CADM2: variants seen among roughly 807,000 people sequenced by gnomAD.
CADM2 encodes cell adhesion molecule 2, also known as immunoglobulin superfamily member 4D.
In CADM2, 12 loss-of-function variants were observed where a neutral mutation model predicts 49.8. The observed-to-expected ratio is 0.24, with a 90% CI of 0.15 to 0.39. The LOEUF (loss-of-function observed/expected upper bound fraction) is 0.39. Among genes scored for constraint, CADM2 ranks in the 10% least tolerant of loss-of-function variants. The probability of loss-of-function intolerance (pLI) is 1.00; values close to 1 mark genes in which losing one functional copy is unlikely to be tolerated. For synonymous variants in CADM2, 214 were observed against 175.4 expected, an observed-to-expected ratio of 1.22 and a Z score of -1.74; for missense variants, 378 against 492.3, an observed-to-expected ratio of 0.77 and a Z score of 2.20.
intron 1 of CADM2, among the ~76,000 whole-genome samples, chr3:85,442,600 A>G (rs1488052253): frequency 4.8e-5 from 1 of 20,902 alleles, no homozygotes; most frequent in African/African-American, 5.6e-5. Context: ...ATATATATAT[A>G]TATATATATA....
At chr3:85,903,404 TTTTG>T (rs1278209067) in intron 5 of CADM2, among the ~76,000 whole-genome samples, 9 of 152,100 alleles carry the variant, frequency 5.9e-5, no homozygotes, top group African/African-American at 2.2e-4. Flanking sequence ...CTCTCTTAGA[TTTTG>T]TTTACCTGAA....
At chr3:85,888,632 A>G (rs1714005993) in intron 5 of CADM2, among the ~76,000 whole-genome samples, 1 of 152,144 alleles carries the variant, frequency 6.6e-6, no homozygotes, top group African/African-American at 2.4e-5. Flanking sequence ...CTATCTATCT[A>G]ATCTTACAAT....
intron 3 of CADM2, among the ~76,000 whole-genome samples, chr3:85,867,491 T>C (rs1235392560): frequency 6.6e-6 from 1 of 152,070 alleles, no homozygotes; most frequent in African/African-American, 2.4e-5. Context: ...ACATTTATGC[T>C]GTTGCCAGTC....
chr3:86,005,339 T>A (rs1577923494), intron 8 of CADM2, among the ~76,000 whole-genome samples: 1 of 152,096 alleles, frequency 6.6e-6, no homozygotes, highest in Non-Finnish European at 1.5e-5. Flanking sequence ...ATCACTAAGG[T>A]TAGGAGTTTG....
intron 2 of CADM2, among the ~76,000 whole-genome samples, chr3:85,780,684 C>G (rs72908506): frequency 0.04 from 6,112 of 152,076 alleles, 389 homozygotes; most frequent in African/African-American, 0.14. Flanking sequence ...TTTTATAAAC[C>G]TTATTTTCCT....
At chr3:85,138,937 A>T (rs542293868) in intron 1 of CADM2, among the ~76,000 whole-genome samples, 1 of 152,200 alleles carries the variant, frequency 6.6e-6, no homozygotes, top group African/African-American at 2.4e-5. Context: ...GCATTTAGGA[A>T]GATAAAGGGG....
intron 2 of CADM2, among the ~76,000 whole-genome samples, chr3:85,758,945 C>T: frequency 6.6e-6 from 1 of 151,864 alleles, no homozygotes; most frequent in East Asian, 1.9e-4. Context: ...GGTGGGGACA[C>T]AGAACTTAAA....
intron 1 of CADM2, among the ~76,000 whole-genome samples, chr3:85,452,816 A>G (rs1163802809): frequency 6.6e-6 from 1 of 152,210 alleles, no homozygotes; most frequent in African/African-American, 2.4e-5. Flanking sequence ...AGTGTAATAA[A>G]GTGTTTGCCA....
intron 2 of CADM2, among the ~76,000 whole-genome samples, chr3:85,760,448 A>C (rs2069320292): frequency 6.6e-6 from 1 of 152,118 alleles, no homozygotes; most frequent in African/African-American, 2.4e-5. Context: ...ACTTACATGT[A>C]AAGGAAAAAA....
chr3:85,463,940 T>C (rs759035810), intron 1 of CADM2, among the ~76,000 whole-genome samples: 3 of 152,160 alleles, frequency 2.0e-5, no homozygotes, highest in Non-Finnish European at 4.4e-5. Flanking sequence ...GTTATTGGGG[T>C]ATGATATTCG....
At chr3:85,011,247 C>G (rs1049633679) in intron 1 of CADM2, among the ~76,000 whole-genome samples, 1 of 152,048 alleles carries the variant, frequency 6.6e-6, no homozygotes, top group African/African-American at 2.4e-5. Flanking sequence ...ATTTGTCGAT[C>G]ATTATGATCT....
At chr3:85,506,588 G>A (rs1368187960) in intron 1 of CADM2, among the ~76,000 whole-genome samples, 1 of 151,282 alleles carries the variant, frequency 6.6e-6, no homozygotes, top group Non-Finnish European at 1.5e-5. Context: ...TTTAAGAGCC[G>A]GGATATCACT....
intron 1 of CADM2, among the ~76,000 whole-genome samples, chr3:85,700,127 C>T (rs897890137): frequency 6.6e-6 from 1 of 152,164 alleles, no homozygotes; most frequent in Non-Finnish European, 1.5e-5. Context: ...AAATGTGGCA[C>T]ACAGACACTA....
intron 1 of CADM2, among the ~76,000 whole-genome samples, chr3:84,998,133 A>C (rs572468853): frequency 2.0e-5 from 3 of 152,266 alleles, no homozygotes; most frequent in African/African-American, 7.2e-5. Context: ...GTTTCCCACG[A>C]GGGTTCATTT....
intron 8 of CADM2, among the ~76,000 whole-genome samples, chr3:86,055,438 C>A (rs563625390): frequency 1.4e-5 from 2 of 143,662 alleles, no homozygotes; most frequent in East Asian, 4.1e-4. Context: ...CAATGCAACT[C>A]TGGGCATCCC....
intron 1 of CADM2, among the ~76,000 whole-genome samples, chr3:85,304,830 C>T (rs2044177130): frequency 6.6e-6 from 1 of 151,664 alleles, no homozygotes; most frequent in African/African-American, 2.4e-5. Flanking sequence ...TTTATATGCT[C>T]TTTCTTCCTA....
At chr3:85,146,584 G>T (rs2039750945) in intron 1 of CADM2, among the ~76,000 whole-genome samples, 1 of 152,106 alleles carries the variant, frequency 6.6e-6, no homozygotes, top group Non-Finnish European at 1.5e-5. Context: ...TATATCAATA[G>T]TAATTACTCT....
In CADM2 at chr3:85,571,548, C is replaced by G. The variant is rs545082926; in HGVS notation, c.62-154974C>G. Among the ~76,000 whole-genome samples, 4 of 152,164 alleles carry G rather than the reference C, an allele frequency of 2.6e-5. No homozygotes were observed. The South Asian group carries it at 8.3e-4, about 32-fold the overall frequency. On this transcript the variant is annotated intron_variant, in intron 1 of 9. Coordinates refer to ENST00000383699, the MANE Select transcript of CADM2 (RefSeq NM_001167675.2). ...AGTTTAAAATAAATAACAACTTGGT[C>G]ACTTAAAATAGTTAAATCTTCTGTA...
intron 1 of CADM2, among the ~76,000 whole-genome samples, chr3:85,015,219 C>G (rs1230741629): frequency 6.6e-6 from 1 of 151,834 alleles, no homozygotes; most frequent in Admixed American, 6.6e-5. Flanking sequence ...CTTACTTAAG[C>G]CAGAAAAAAA....
Sources: gnomAD v4.1 joint callset for allele counts (sites outside exome capture counted in the v4.1 genomes callset) on GRCh38, gnomAD v4.1.1 for gene constraint, MANE v1.5 for transcripts, NCBI Gene and HGNC (gene_info 2026-07-23, HGNC 2026-07-21) for gene names.